The following RNF217 variants were observed in gnomAD, a reference collection of about 807,000 sequenced individuals.
The protein encoded by RNF217 is E3 ubiquitin-protein ligase RNF217.
In RNF217, 31 loss-of-function variants were observed where a neutral mutation model predicts 57.8. The observed-to-expected ratio is 0.54, with a 90% CI of 0.40 to 0.72. The LOEUF is 0.72. Among genes scored for constraint, RNF217 ranks in the 30% least tolerant of loss-of-function variants. The probability of loss-of-function intolerance (pLI) is 0.00; values close to 1 mark genes in which losing one functional copy is unlikely to be tolerated. For synonymous variants in RNF217, 313 were observed against 294.0 expected (o/e 1.06, Z -0.66); for missense variants, 696 against 708.3 (o/e 0.98, Z 0.20).
In RNF217 at chr6:125,004,063, AGTT is replaced by A. The variant is rs1785083405; in HGVS notation, c.882+40638_882+40640del. Reference sequence around the variant, plus strand: ...AATCTTTCTTTAAATGAGGGGTTACAGTTTTTTTCTTTAAAATTCATCCATCAA... The same window carrying A: ...AATCTTTCTTTAAATGAGGGGTTACATTTTTCTTTAAAATTCATCCATCAA... On this transcript the variant is annotated intron_variant, in intron 1 of 5. Transcript: ENST00000521654. Among the ~76,000 whole-genome samples the A allele has an allele frequency of 1.8e-4, 4 of 22,834 alleles. No individual in the cohort carries two copies. The Admixed American group carries it at 4.6e-3, about 26-fold the overall frequency. The allele number at this position is 22,834 out of a possible 152,430, so 15.0% of individuals were successfully genotyped here. A position where few individuals can be genotyped will look rare whatever the true frequency, so the allele number is the denominator to read the frequency against.
At chr6:125,065,775 C>T (rs1276182850) in intron 3 of RNF217, among the ~76,000 whole-genome samples, 1 of 152,164 alleles carries the variant, frequency 6.6e-6, no homozygotes, top group Non-Finnish European at 1.5e-5. Context: ...TCTCTTTCTA[C>T]AGCAAACTAC....
At chr6:124,963,452 A>G (rs1330022154) in intron 1 of RNF217, 26 bp downstream of exon 1, 2 of 1,440,540 alleles carry the variant, frequency 1.4e-6, no homozygotes, top group Non-Finnish European at 1.8e-6. Context: ...TCTCTTCCCC[A>G]TTTATCATTC....
At chr6:124,989,603 A>G (rs1784479055) in intron 1 of RNF217, among the ~76,000 whole-genome samples, 1 of 150,244 alleles carries the variant, frequency 6.7e-6, no homozygotes, top group African/African-American at 2.5e-5. Flanking sequence ...GAGCATGGCT[A>G]TGTTCCAATA....
chr6:125,079,957 A>G (rs1201279782), intron 4 of RNF217, among the ~76,000 whole-genome samples: 3 of 152,090 alleles, frequency 2.0e-5, no homozygotes, highest in East Asian at 3.9e-4. Context: ...TTGAACATGG[A>G]TTACATAATT....
In RNF217 at chr6:125,083,019, A is replaced by G. The variant is rs1788636449; in HGVS notation, c.*82A>G. 4.4e-6 allele frequency: 4 copies of G among 907,674 alleles called. No individual in the cohort carries two copies. Among genetic ancestry groups the G allele is most frequent in the Non-Finnish European group, 6.5e-6 (4 of 611,844 alleles). The allele number at this position is 907,674 out of a possible 1,614,324, so 56.2% of individuals were successfully genotyped here. A position where few individuals can be genotyped will look rare whatever the true frequency, so the allele number is the denominator to read the frequency against. On this transcript the variant is annotated 3_prime_UTR_variant, in exon 6 of 6. Transcript: ENST00000521654. ...ACACCCATCTGTGAGTCACATCTTGAAAAACACTGAGAGGAACCTTCTACC... is the reference window on the plus strand; with the variant it reads ...ACACCCATCTGTGAGTCACATCTTGGAAAACACTGAGAGGAACCTTCTACC...
At chr6:125,080,857 A>G (rs151202787) in intron 4 of RNF217, among the ~76,000 whole-genome samples, 76 of 152,198 alleles carry the variant, frequency 5.0e-4, no homozygotes, top group African/African-American at 1.7e-3. Flanking sequence ...GTAACTTTCA[A>G]CGTACTAGGT....
At chr6:125,027,688 T>A (rs1375390213) in intron 1 of RNF217, among the ~76,000 whole-genome samples, 1 of 152,174 alleles carries the variant, frequency 6.6e-6, no homozygotes, top group South Asian at 2.1e-4. Context: ...GATTGCTGGA[T>A]CATATGGTAG....
intron 3 of RNF217, among the ~76,000 whole-genome samples, chr6:125,069,276 G>A (rs1254771430): frequency 6.6e-6 from 1 of 152,046 alleles, no homozygotes; most frequent in East Asian, 1.9e-4. Context: ...TTTGAAATCA[G>A]CATCTATTTA....
chr6:124,974,929 A>C (rs1783905112), intron 1 of RNF217, among the ~76,000 whole-genome samples: 1 of 152,150 alleles, frequency 6.6e-6, no homozygotes. Flanking sequence ...ATTCCCTGGA[A>C]CAGAAGAGGC....
chr6:125,054,455 A>T (rs1424352060), intron 2 of RNF217, among the ~76,000 whole-genome samples: 1 of 152,158 alleles, frequency 6.6e-6, no homozygotes, highest in Non-Finnish European at 1.5e-5. Context: ...CCAGAAGTCA[A>T]TGTCTGTGTC....
At chr6:124,973,452 C>G (rs539869542) in intron 1 of RNF217, among the ~76,000 whole-genome samples, 3 of 152,178 alleles carry the variant, frequency 2.0e-5, no homozygotes, top group Non-Finnish European at 4.4e-5. Context: ...CCTTGGTTCT[C>G]CCCCATTATT....
chr6:125,044,460 C>T (rs1787016054), intron 1 of RNF217, among the ~76,000 whole-genome samples: 3 of 152,056 alleles, frequency 2.0e-5, no homozygotes, highest in South Asian at 4.1e-4. Context: ...CTCCATAACA[C>T]ATGCTAAATG....
intron 1 of RNF217, among the ~76,000 whole-genome samples, chr6:125,025,339 G>T (rs569212435): frequency 6.6e-6 from 1 of 152,240 alleles, no homozygotes; most frequent in African/African-American, 2.4e-5. Context: ...GATAAGGACT[G>T]GAGACCAAGG....
intron 1 of RNF217, among the ~76,000 whole-genome samples, chr6:124,973,452 C>A (rs539869542): frequency 6.6e-6 from 1 of 152,296 alleles, no homozygotes; most frequent in East Asian, 1.9e-4. Flanking sequence ...CCTTGGTTCT[C>A]CCCCATTATT....
intron 2 of RNF217, among the ~76,000 whole-genome samples, chr6:125,053,102 T>G (rs1338350774): frequency 2.0e-5 from 3 of 152,128 alleles, no homozygotes; most frequent in Non-Finnish European, 4.4e-5. Context: ...CCTCATCACT[T>G]GTCCCTGTAA....
intron 1 of RNF217, among the ~76,000 whole-genome samples, chr6:124,998,135 G>A (rs1389601519): frequency 2.6e-5 from 4 of 152,052 alleles, no homozygotes; most frequent in Admixed American, 1.3e-4. Context: ...TCTATTCTCA[G>A]CTCTGGGCAT....
intron 2 of RNF217, among the ~76,000 whole-genome samples, chr6:125,054,958 G>A (rs9491290): frequency 0.011 from 1,638 of 152,246 alleles, 23 homozygotes; most frequent in African/African-American, 0.033. Flanking sequence ...TGGTGGGTAT[G>A]TGGTTGTGAG....
At chr6:125,006,819 C>T (rs949465314) in intron 1 of RNF217, among the ~76,000 whole-genome samples, 2 of 152,094 alleles carry the variant, frequency 1.3e-5, no homozygotes, top group African/African-American at 2.4e-5. Flanking sequence ...TGTGGTGGTG[C>T]GTGCCTGTAA....
intron 1 of RNF217, among the ~76,000 whole-genome samples, chr6:124,967,377 A>T (rs1260893135): frequency 6.6e-6 from 1 of 152,184 alleles, no homozygotes; most frequent in Non-Finnish European, 1.5e-5. Flanking sequence ...ATCTTCCACC[A>T]ATATTTTTCT....
Sources: allele counts gnomAD v4.1 joint callset (sites outside exome capture counted in the v4.1 genomes callset), GRCh38; gene constraint gnomAD v4.1.1; transcripts MANE v1.5; gene names NCBI Gene and HGNC (gene_info 2026-07-23, HGNC 2026-07-21).